The following GRIN2D variants were observed in gnomAD, a reference collection of about 807,000 sequenced individuals.
GRIN2D encodes glutamate ionotropic receptor NMDA type subunit 2D.
Under a neutral mutation model 103.2 loss-of-function variants are expected in GRIN2D, and 37 were observed. The ratio of observed to expected loss-of-function variants is 0.36; its 90% confidence interval spans 0.28 to 0.47. GRIN2D has a LOEUF of 0.47. Among genes scored for constraint, GRIN2D ranks in the 20% least tolerant of loss-of-function variants. The probability of loss-of-function intolerance (pLI) is 1.00; values close to 1 mark genes in which losing one functional copy is unlikely to be tolerated. For missense variants in GRIN2D, 1,557 were observed against 1,910.6 expected (o/e 0.81, Z 3.45); for synonymous variants, 845 against 885.6 (o/e 0.95, Z 0.81).
rs2147476337 is a variant in GRIN2D, at chr19:48,442,841, G to A, written c.2915G>A (p.Gly972Asp). The change falls in exon 14 of 14, where the codon GGC (glycine) becomes GAC (aspartate). Residue 972 changes from glycine to aspartate, a missense_variant. Coordinates refer to ENST00000263269, the MANE Select transcript of GRIN2D (RefSeq NM_000836.4). The surrounding 1 kb of genome is among the most constrained non-coding windows in gnomAD (Gnocchi z 7.2). ...HRYYGPIEPQ[G>D]LGLGLGEARA... ...TACTACGGCCCCATCGAGCCGCAGGGCCTAGGCCTCGGCCTGGGCGAAGCG... is the reference window on the plus strand; with the variant it reads ...TACTACGGCCCCATCGAGCCGCAGGACCTAGGCCTCGGCCTGGGCGAAGCG... 4 of 1,086,512 alleles carry A rather than the reference G, an allele frequency of 3.7e-6. No individual in the cohort carries two copies. The highest frequency in any genetic ancestry group is 4.5e-6 in the Non-Finnish European group (4 of 896,612). 67.3% of individuals were successfully genotyped at this position (1,086,512 alleles called of 1,614,324 possible). A position where few individuals can be genotyped will look rare whatever the true frequency, so the allele number is the denominator to read the frequency against.
At chr19:48,402,483 C>T (rs1039603948) in intron 3 of GRIN2D, among the ~76,000 whole-genome samples, 3 of 151,498 alleles carry the variant, frequency 2.0e-5, no homozygotes, top group Non-Finnish European at 4.4e-5. Flanking sequence ...TTTGGGAGGC[C>T]GAGGCGGGTG....
chr19:48,415,832 T>A (rs1970940570), intron 7 of GRIN2D, among the ~76,000 whole-genome samples, 170 bp from the exon 8 acceptor site: 1 of 152,014 alleles, frequency 6.6e-6, no homozygotes, highest in South Asian at 2.1e-4. Flanking sequence ...ACCTCCGCCC[T>A]TCCCTGCCCC....
chr19:48,419,310 C>G lies in GRIN2D; in HGVS notation c.1812C>G (p.Phe604Leu), dbSNP rs1337780157. The G allele has an allele frequency of 6.2e-7, 1 of 1,610,384 alleles. No individual in the cohort carries two copies. Among genetic ancestry groups the G allele is most frequent in the Non-Finnish European group, 8.5e-7 (1 of 1,179,694 alleles). ...LTVVAVTVFI[F>L]EYLSPVGYNR... ...TGGTCGCCGTCACTGTTTTCATCTT[C>G]GAGTACCTCAGTCCTGTTGGTTACA... Residue 604 changes from phenylalanine (F) to leucine (L), a missense_variant, in exon 9 of 14, where the codon TTC becomes TTG. Physicochemically the swap from Phe to Leu is conservative, Grantham distance 22. Transcript: ENST00000263269.
chr19:48,410,703 G>A (rs1394909611), intron 4 of GRIN2D, among the ~76,000 whole-genome samples: 2 of 151,986 alleles, frequency 1.3e-5, no homozygotes. Context: ...CTGGGACCTG[G>A]TGGGGAACAG....
intron 4 of GRIN2D, among the ~76,000 whole-genome samples, chr19:48,413,419 C>T (rs1970900406): frequency 6.6e-6 from 1 of 151,894 alleles, no homozygotes; most frequent in African/African-American, 2.4e-5. Flanking sequence ...GCGGAGGTTG[C>T]AGTGAGCGAA....
intron 11 of GRIN2D, among the ~76,000 whole-genome samples, chr19:48,433,139 G>T (rs1441387300): frequency 6.7e-6 from 1 of 148,974 alleles, no homozygotes; most frequent in African/African-American, 2.5e-5. Flanking sequence ...AGGACGAGAA[G>T]GGCGGATTGC....
intron 11 of GRIN2D, among the ~76,000 whole-genome samples, chr19:48,426,224 C>CTTTTTTTTTTTTTTTTTTTTTTTT (rs369360320): frequency 8.3e-5 from 10 of 120,118 alleles, no homozygotes; most frequent in Admixed American, 2.5e-4. Context: ...TTCTTTCTTT[C>CTTTTTTTTTTTTTTTTTTTTTTTT]TTTTTTTTTT....
chr19:48,419,081 C>G (rs114574959), intron 8 of GRIN2D, among the ~76,000 whole-genome samples, 153 bp from the exon 9 acceptor site: 5,828 of 146,266 alleles, frequency 0.04, 231 homozygotes, highest in Middle Eastern at 0.1. Context: ...ACAGGGAGTT[C>G]AAGGCCAGTC....
At chr19:48,420,773 C>T (rs1971013831) in intron 10 of GRIN2D, among the ~76,000 whole-genome samples, 1 of 152,120 alleles carries the variant, frequency 6.6e-6, no homozygotes, top group African/African-American at 2.4e-5. Context: ...TTACAGTGAG[C>T]CATGATTACG....
At chr19:48,436,725 A>T (rs1427452137) in intron 11 of GRIN2D, among the ~76,000 whole-genome samples, 2 of 152,228 alleles carry the variant, frequency 1.3e-5, no homozygotes, top group Admixed American at 1.3e-4. Context: ...TCAAGGTGAG[A>T]GAGTGAGTCA....
In GRIN2D at chr19:48,419,664, G is replaced by C; in HGVS notation, c.1941G>C (p.Val647=). ...TGGTGTTCAATAATTCGGTGCCCGT[G>C]GAGAACCCCCGGGGAACCACCAGCA... ...WALVFNNSVP[V]ENPRGTTSKI... is the part of the protein sequence containing the mutation. Residue 647 remains valine (V), a synonymous_variant, in exon 10 of 14, where the codon GTG becomes GTC. Coordinates refer to ENST00000263269, the MANE Select transcript of GRIN2D (RefSeq NM_000836.4). 6.2e-7 allele frequency: 1 copy of C among 1,613,684 alleles called. No individual in the cohort carries two copies. The highest frequency in any genetic ancestry group is 8.5e-7 in the Non-Finnish European group (1 of 1,179,908).
At chr19:48,424,927 G>C (rs1454175186) in intron 11 of GRIN2D, among the ~76,000 whole-genome samples, 2 of 152,088 alleles carry the variant, frequency 1.3e-5, no homozygotes, top group Non-Finnish European at 2.9e-5. Context: ...TCCCCAGCCA[G>C]CCTGCTGACT....
intron 11 of GRIN2D, among the ~76,000 whole-genome samples, chr19:48,432,290 A>G (rs1355407864): frequency 1.3e-5 from 2 of 151,064 alleles, no homozygotes; most frequent in African/African-American, 4.9e-5. Flanking sequence ...CCTGGGCTCA[A>G]GCGATCCTCC....
chr19:48,401,836 C>T (rs904879798), intron 3 of GRIN2D, among the ~76,000 whole-genome samples: 3 of 152,214 alleles, frequency 2.0e-5, no homozygotes, highest in Admixed American at 6.5e-5. Context: ...CGCAGTGGCT[C>T]ATGCCTGGAA....
At chr19:48,397,714 C>G (rs551139130) in intron 2 of GRIN2D, among the ~76,000 whole-genome samples, 2 of 151,368 alleles carry the variant, frequency 1.3e-5, no homozygotes, top group African/African-American at 2.4e-5. Flanking sequence ...CGTCTTCTCC[C>G]CGTCTCTGCT....
In GRIN2D at chr19:48,414,685, C is replaced by T; in HGVS notation, c.1412+101C>T. The stretch of plus-strand genomic sequence containing the variant: ...CCCTCCTCCCTTGGGACCCAGGACC[C>T]ACAAAGCCCTCCAGCTTGGTGACCT... On this transcript the variant is annotated intron_variant, in intron 6 of 13. Transcript: ENST00000263269. This position sits in a 1 kb window ranked among gnomAD's most constrained non-coding sequence, Gnocchi z 4.6. The T allele has an allele frequency of 1.8e-5, 23 of 1,280,128 alleles. No homozygotes were observed. In the South Asian group the frequency reaches 2.3e-4, roughly 13 times the overall value. The allele number at this position is 1,280,128 out of a possible 1,614,324, so 79.3% of individuals were successfully genotyped here. A position where few individuals can be genotyped will look rare whatever the true frequency, so the allele number is the denominator to read the frequency against.
At chr19:48,417,254 GA>G (rs1035737653) in intron 8 of GRIN2D, among the ~76,000 whole-genome samples, 2 of 152,018 alleles carry the variant, frequency 1.3e-5, no homozygotes, top group African/African-American at 4.8e-5. Context: ...AAAGAACAAA[GA>G]AAAAAATCCC....
chr19:48,442,388 G>A lies in GRIN2D; in HGVS notation c.2673+6G>A. ...TCCTGCTGGCCTTCTCCAGGGTATGGGGCAGAGAGGGAGGCAGAGAGGGGG... is the reference window on the plus strand; with the variant it reads ...TCCTGCTGGCCTTCTCCAGGGTATGAGGCAGAGAGGGAGGCAGAGAGGGGG... On this transcript the variant is annotated splice_donor_region_variant and intron_variant, in intron 13 of 13. Transcript: ENST00000263269. This position sits in a 1 kb window ranked among gnomAD's most constrained non-coding sequence, Gnocchi z 7.2. The A allele has an allele frequency of 6.2e-7, 1 of 1,604,192 alleles. No individual in the cohort carries two copies. Among genetic ancestry groups the A allele is most frequent in the Non-Finnish European group, 8.5e-7 (1 of 1,175,742 alleles).
At chr19:48,441,301 T>C (rs890327620) in intron 11 of GRIN2D, among the ~76,000 whole-genome samples, 1 of 146,582 alleles carries the variant, frequency 6.8e-6, no homozygotes, top group East Asian at 2.0e-4. Context: ...AGTCGGATCT[T>C]GCAGTGAGCC....
Sources: gnomAD v4.1 joint callset for allele counts (sites outside exome capture counted in the v4.1 genomes callset) on GRCh38, gnomAD v4.1.1 for gene constraint, Gnocchi (gnomAD v3.1) non-coding constraint, MANE v1.5 for transcripts, NCBI Gene and HGNC (gene_info 2026-07-23, HGNC 2026-07-21) for gene names.